SCIN: variants seen among roughly 807,000 people sequenced by gnomAD.
The protein encoded by SCIN is scinderin.
A neutral mutation model predicts 91.8 loss-of-function variants in SCIN; 91 were observed. The ratio of observed to expected loss-of-function variants is 0.99; its 90% CI spans 0.84 to 1.18. SCIN has a LOEUF of 1.18. Ranked by LOEUF, SCIN falls within the 50% of genes most tolerant of loss-of-function variation. The probability of loss-of-function intolerance (pLI) is 0.00; values close to 1 mark genes in which losing one functional copy is unlikely to be tolerated. For missense variants in SCIN, 1,087 were observed against 863.9 expected, an observed-to-expected ratio of 1.26 and a Z score of -3.24; for synonymous variants, 367 against 312.6, an observed-to-expected ratio of 1.17 and a Z score of -1.84.
intron 4 of SCIN, among the ~76,000 whole-genome samples, chr7:12,612,359 C>G (rs1332402446): frequency 6.6e-6 from 1 of 152,070 alleles, no homozygotes; most frequent in Non-Finnish European, 1.5e-5. Flanking sequence ...TTAAAGGGAG[C>G]AAATATATTC....
intron 9 of SCIN, among the ~76,000 whole-genome samples, chr7:12,634,313 C>T (rs1783704217): frequency 6.6e-6 from 1 of 151,748 alleles, no homozygotes; most frequent in African/African-American, 2.4e-5. Flanking sequence ...TGGAGAAATC[C>T]CGTCTCTACT....
At chr7:12,613,204 T>A (rs988699943) in intron 4 of SCIN, among the ~76,000 whole-genome samples, 2 of 151,964 alleles carry the variant, frequency 1.3e-5, no homozygotes, top group South Asian at 4.1e-4. Flanking sequence ...ATAATATATT[T>A]AAAAAAAACT....
chr7:12,572,577 G>T (rs1213893768), intron 1 of SCIN, among the ~76,000 whole-genome samples: 2 of 152,128 alleles, frequency 1.3e-5, no homozygotes, highest in African/African-American at 4.8e-5. Flanking sequence ...TCAGATGACC[G>T]CAAGGGAGAT....
chr7:12,601,912 C>G (rs1432884594), intron 3 of SCIN, among the ~76,000 whole-genome samples: 2 of 152,140 alleles, frequency 1.3e-5, no homozygotes, highest in Admixed American at 1.3e-4. Flanking sequence ...GAGGAGTGGA[C>G]AGGACTCATG....
In SCIN at chr7:12,656,558, A is replaced by G. The variant is rs1784165141; in HGVS notation, c.*3843A>G. The G allele has an allele frequency of 6.6e-6, 1 of 152,222 alleles. No individual in the cohort carries two copies. Among genetic ancestry groups the G allele is most frequent in the African/African-American group, 2.4e-5 (1 of 41,456 alleles). 9.4% of individuals were successfully genotyped at this position (152,222 alleles called of 1,614,324 possible). On this transcript the variant is annotated 3_prime_UTR_variant, in exon 16 of 16. Transcript: ENST00000297029. ...TCATTCCGTGTTCTTGCTCTTGGAT[A>G]AAACGGACAACTCAGAGAAAAAACT... is the stretch of plus-strand genomic sequence containing the variant.
chr7:12,603,243 C>A (rs1782996227), intron 3 of SCIN, among the ~76,000 whole-genome samples: 1 of 151,968 alleles, frequency 6.6e-6, no homozygotes. Context: ...CTCCCGGGTT[C>A]ACGCCATTCT....
At chr7:12,624,158 A>G (rs1450916544) in intron 5 of SCIN, among the ~76,000 whole-genome samples, 3 of 152,172 alleles carry the variant, frequency 2.0e-5, no homozygotes, top group African/African-American at 7.2e-5. Context: ...GTTTCTTAAC[A>G]AGGCTGGCAA....
In SCIN at chr7:12,616,086, A is replaced by T. The variant is rs188099531; in HGVS notation, c.667-6715A>T. On this transcript the variant is annotated intron_variant, in intron 4 of 15. Transcript: ENST00000297029. Reference sequence around the variant, plus strand: ...ATAGGGGTGCCCTATTTTCTTCTCCATTTCTCCCCTTACCCAACTTAGTTT... The same window carrying T: ...ATAGGGGTGCCCTATTTTCTTCTCCTTTTCTCCCCTTACCCAACTTAGTTT... Among the ~76,000 whole-genome samples the T allele has an allele frequency of 1.5e-3, 223 of 152,170 alleles. 1 individual carries two copies. Among genetic ancestry groups the T allele is most frequent in the African/African-American group, 4.9e-3 (204 of 41,530 alleles).
At chr7:12,642,656 A>G (rs776289838) in intron 11 of SCIN, among the ~76,000 whole-genome samples, 3 of 150,020 alleles carry the variant, frequency 2.0e-5, no homozygotes, top group Non-Finnish European at 4.4e-5. Context: ...CATGCCACAA[A>G]CAAAGGTCAC....
intron 3 of SCIN, among the ~76,000 whole-genome samples, chr7:12,583,773 C>T (rs1782534604): frequency 6.6e-6 from 1 of 152,068 alleles, no homozygotes; most frequent in African/African-American, 2.4e-5. Context: ...GAGTATGGGC[C>T]ACAAATCCAG....
At chr7:12,635,994 C>T (rs1783743066) in intron 9 of SCIN, 51 bp from the exon 10 acceptor site, 6 of 1,362,630 alleles carry the variant, frequency 4.4e-6, no homozygotes, top group African/African-American at 1.4e-5. Flanking sequence ...CTACATGTGA[C>T]GATCTTAAAA....
At chr7:12,627,091 T>TACAC (rs10654667) in intron 8 of SCIN, among the ~76,000 whole-genome samples, 13,879 of 149,192 alleles carry the variant, frequency 0.093, 1,061 homozygotes, top group African/African-American at 0.21. Context: ...AATGTGTGTA[T>TACAC]ACACACACAC....
chr7:12,593,470 A>G (rs1272640244), intron 3 of SCIN, among the ~76,000 whole-genome samples: 1 of 152,098 alleles, frequency 6.6e-6, no homozygotes, highest in Non-Finnish European at 1.5e-5. Flanking sequence ...TATGTAACAA[A>G]CCTGCACATT....
intron 15 of SCIN, 116 bp from the exon 16 acceptor site, chr7:12,652,472 T>G: frequency 1.1e-6 from 1 of 939,920 alleles, no homozygotes; most frequent in Non-Finnish European, 1.6e-6. Context: ...TAGCCAATAT[T>G]TATTTGTTCT....
Position 12,577,068 on chromosome 7 carries a change from A to C in SCIN, c.200-996A>C, listed in dbSNP as rs192332124. On this transcript the variant is annotated intron_variant, in intron 1 of 15. Coordinates refer to ENST00000297029, the MANE Select transcript of SCIN (RefSeq NM_001112706.3). ...GAATTGTTTTGACCTTAGTGAAGTT[A>C]CCTGGATGTGATGTGTATTACAATT... 1.9e-3 allele frequency among the ~76,000 whole-genome samples: 294 copies of C among 152,256 alleles called. 1 individual carries two copies. Among genetic ancestry groups the C allele is most frequent in the African/African-American group, 6.7e-3 (280 of 41,546 alleles).
chr7:12,648,017 T>C (rs1784000186), intron 13 of SCIN, among the ~76,000 whole-genome samples: 1 of 152,108 alleles, frequency 6.6e-6, no homozygotes, highest in Admixed American at 6.5e-5. Context: ...TGGGGAACCA[T>C]AATCCAAACT....
At chr7:12,621,415 T>TTAA (rs1783404534) in intron 4 of SCIN, among the ~76,000 whole-genome samples, 1 of 152,046 alleles carries the variant, frequency 6.6e-6, no homozygotes, top group South Asian at 2.1e-4. Flanking sequence ...GGTCTGAAAA[T>TTAA]TAAGAGTTAG....
Position 12,571,201 on chromosome 7 carries a change from C to CT in SCIN, c.199+218dup, listed in dbSNP as rs995271038. On this transcript the variant is annotated intron_variant, in intron 1 of 15. Coordinates refer to ENST00000297029, the MANE Select transcript of SCIN (RefSeq NM_001112706.3). ...GGGCTCAGGCGTTGTCCGCAATTGA[C>CT]TTACCTCGCAGGCTTTGACCTTTGC... is the stretch of plus-strand genomic sequence containing the variant. 48 of 586,418 alleles carry CT rather than the reference C, an allele frequency of 8.2e-5. No individual in the cohort carries two copies. The African/African-American group carries it at 8.6e-4, about 10-fold the overall frequency. 36.3% of individuals were successfully genotyped at this position (586,418 alleles called of 1,614,324 possible).
chr7:12,595,369 T>G (rs1210329044), intron 3 of SCIN, among the ~76,000 whole-genome samples: 1 of 151,564 alleles, frequency 6.6e-6, no homozygotes, highest in Non-Finnish European at 1.5e-5. Context: ...TCCCCCATGC[T>G]GCCCGTAGGG....
Sources: allele counts gnomAD v4.1 joint callset (sites outside exome capture counted in the v4.1 genomes callset), GRCh38; gene constraint gnomAD v4.1.1; transcripts MANE v1.5; gene names NCBI Gene and HGNC (gene_info 2026-07-23, HGNC 2026-07-21).